The following NRXN3 variants were observed in gnomAD, a reference collection of about 807,000 sequenced individuals.
NRXN3 encodes the protein neurexin 3.
Under a neutral mutation model 137.6 loss-of-function variants are expected in NRXN3, and 32 were observed. The observed-to-expected ratio is 0.23, with a 90% CI of 0.18 to 0.31. The LOEUF is 0.31. Ranked by LOEUF, NRXN3 falls within the 10% of genes least tolerant of loss-of-function variation. The probability of loss-of-function intolerance (pLI) is 1.00; values close to 1 mark genes in which losing one functional copy is unlikely to be tolerated. For missense variants in NRXN3, 1,574 were observed against 2,062.5 expected, an observed-to-expected ratio of 0.76 and a Z score of 4.59; for synonymous variants, 798 against 784.5, an observed-to-expected ratio of 1.02 and a Z score of -0.29.
intron 15 of NRXN3, among the ~76,000 whole-genome samples, chr14:79,406,030 ATTAC>A (rs1010212000): frequency 6.6e-6 from 1 of 152,188 alleles, no homozygotes; most frequent in African/African-American, 2.4e-5. Flanking sequence ...CGCACAAATA[ATTAC>A]TTAATAAACA....
At chr14:79,826,554 T>TAAATA (rs1191644413) in intron 20 of NRXN3, among the ~76,000 whole-genome samples, 1 of 152,228 alleles carries the variant, frequency 6.6e-6, no homozygotes, top group Non-Finnish European at 1.5e-5. Context: ...ATTCCTTTTT[T>TAAATA]AAATAATTCA....
chr14:78,693,257 C>T (rs1191797256), intron 6 of NRXN3, among the ~76,000 whole-genome samples: 2 of 151,968 alleles, frequency 1.3e-5, no homozygotes, highest in Non-Finnish European at 1.5e-5. Flanking sequence ...CAAGCTTTAT[C>T]AGCTTTATCT....
intron 3 of NRXN3, among the ~76,000 whole-genome samples, chr14:78,285,936 C>G (rs565411909): frequency 6.6e-6 from 1 of 152,282 alleles, no homozygotes; most frequent in South Asian, 2.1e-4. Flanking sequence ...AGGAAGACCC[C>G]CCTGGCTCCT....
At chr14:79,695,925 A>T (rs1406943335) in intron 18 of NRXN3, among the ~76,000 whole-genome samples, 1 of 151,992 alleles carries the variant, frequency 6.6e-6, no homozygotes, top group African/African-American at 2.4e-5. Flanking sequence ...TTTATAAAGT[A>T]TAGATCATTT....
At chr14:78,396,275 T>C (rs2091447456) in intron 4 of NRXN3, among the ~76,000 whole-genome samples, 1 of 152,156 alleles carries the variant, frequency 6.6e-6, no homozygotes, top group South Asian at 2.1e-4. Flanking sequence ...TATGACTCTT[T>C]ACCCTCCCCT....
At chr14:79,206,398 T>A (rs1276621002) in intron 15 of NRXN3, among the ~76,000 whole-genome samples, 1 of 152,190 alleles carries the variant, frequency 6.6e-6, no homozygotes, top group African/African-American at 2.4e-5. Flanking sequence ...TCAGATGGCA[T>A]GGGCTCTATG....
At chr14:79,235,194 C>T (rs2073159263) in intron 15 of NRXN3, among the ~76,000 whole-genome samples, 1 of 152,054 alleles carries the variant, frequency 6.6e-6, no homozygotes, top group African/African-American at 2.4e-5. Flanking sequence ...ATGTGAAAGA[C>T]AGCATACCTA....
Position 78,782,884 on chromosome 14 carries a change from T to C in NRXN3, c.2045-20736T>C, listed in dbSNP as rs1215784341. 4.6e-5 allele frequency among the ~76,000 whole-genome samples: 7 copies of C among 152,174 alleles called. No individual in the cohort carries two copies. The East Asian group carries it at 1.2e-3, about 25-fold the overall frequency. On this transcript the variant is annotated intron_variant, in intron 8 of 20. Transcript: ENST00000335750. ...ATACATATGTGTTCAAATGTCATGATAAGCACTGGCAAGGAGAGGTAAACA... is the reference window on the plus strand; with the variant it reads ...ATACATATGTGTTCAAATGTCATGACAAGCACTGGCAAGGAGAGGTAAACA...
intron 4 of NRXN3, among the ~76,000 whole-genome samples, chr14:78,438,810 T>C (rs2094151767): frequency 6.6e-6 from 1 of 151,548 alleles, no homozygotes; most frequent in African/African-American, 2.4e-5. Flanking sequence ...CACAGCTGTG[T>C]TGGAGAGGCT....
intron 10 of NRXN3, among the ~76,000 whole-genome samples, chr14:78,908,105 A>G (rs895058665): frequency 6.6e-6 from 1 of 151,988 alleles, no homozygotes; most frequent in South Asian, 2.1e-4. Flanking sequence ...AGTGAACGTA[A>G]GTGTGCATCT....
chr14:78,565,135 C>T (rs1566761771), intron 4 of NRXN3, among the ~76,000 whole-genome samples: 1 of 152,166 alleles, frequency 6.6e-6, no homozygotes, highest in Non-Finnish European at 1.5e-5. Flanking sequence ...GTTCCTTGAA[C>T]ATTGAAGATG....
At chr14:79,293,762 C>T (rs2083568764) in intron 15 of NRXN3, among the ~76,000 whole-genome samples, 1 of 152,252 alleles carries the variant, frequency 6.6e-6, no homozygotes, top group South Asian at 2.1e-4. Flanking sequence ...TCAGGCATGT[C>T]ACCCCCTCAC....
At chr14:78,422,561 T>C (rs1198918857) in intron 4 of NRXN3, among the ~76,000 whole-genome samples, 1 of 152,168 alleles carries the variant, frequency 6.6e-6, no homozygotes, top group Non-Finnish European at 1.5e-5. Flanking sequence ...ATTTTTTTCT[T>C]TGGGAAAGAG....
At chr14:78,366,326 C>T (rs1217969411) in intron 4 of NRXN3, among the ~76,000 whole-genome samples, 1 of 152,128 alleles carries the variant, frequency 6.6e-6, no homozygotes, top group Non-Finnish European at 1.5e-5. Flanking sequence ...CTGTCTCTGT[C>T]TCTTTTGGCC....
At chr14:78,704,043 C>G (rs2152811876) in intron 6 of NRXN3, among the ~76,000 whole-genome samples, 1 of 152,304 alleles carries the variant, frequency 6.6e-6, no homozygotes, top group South Asian at 2.1e-4. Flanking sequence ...GAAACACATT[C>G]TCAGAAAGTT....
chr14:78,841,582 T>C lies in NRXN3; in HGVS notation c.2275+31238T>C, dbSNP rs141438263. On this transcript the variant is annotated intron_variant, in intron 10 of 20. Transcript: ENST00000335750. ...GTTTTCCCAAATCATTTTTTATCAA[T>C]TCTATTTTTGGTTTCTCTCACTTAT... Among the ~76,000 whole-genome samples the C allele has an allele frequency of 1.2e-3, 181 of 152,278 alleles. 2 individuals are homozygous for C. The highest frequency in any genetic ancestry group is 6.8e-3 in the Middle Eastern group (2 of 294).
rs142759582 is a variant in NRXN3, at chr14:79,528,245, G to A, written c.3444+60843G>A. ...CAGATTGATTACAGTACACTCAAGC[G>A]GTTAGCACAGATATTCATCATAGCT... On this transcript the variant is annotated intron_variant, in intron 16 of 20. Transcript: ENST00000335750. Among the ~76,000 whole-genome samples the A allele has an allele frequency of 3.1e-3, 471 of 152,182 alleles. 3 individuals are homozygous for A. The highest frequency in any genetic ancestry group is 0.011 in the African/African-American group (445 of 41,528).
At chr14:78,765,366 T>G (rs2098705596) in intron 8 of NRXN3, among the ~76,000 whole-genome samples, 1 of 152,192 alleles carries the variant, frequency 6.6e-6, no homozygotes, top group Admixed American at 6.5e-5. Context: ...TTGGTCAGGC[T>G]GGTCTCGAAC....
chr14:78,278,686 TGC>T, intron 3 of NRXN3, 24 bp downstream of exon 3: 3 of 1,532,956 alleles, frequency 2.0e-6, no homozygotes, highest in Non-Finnish European at 2.6e-6. Context: ...TTTGCACAGC[TGC>T]TGTGGGAATT....
Sources: allele counts gnomAD v4.1 joint callset (sites outside exome capture counted in the v4.1 genomes callset), GRCh38; gene constraint gnomAD v4.1.1; transcripts MANE v1.5; gene names NCBI Gene and HGNC (gene_info 2026-07-23, HGNC 2026-07-21).